DHX38: variants seen among roughly 807,000 people sequenced by gnomAD.
DHX38 encodes DEAH-box helicase 38.
In DHX38, 100 loss-of-function variants were observed where a neutral mutation model predicts 153.1. That is an observed-to-expected ratio of 0.65 (90% CI 0.56 to 0.77). The LOEUF (loss-of-function observed/expected upper bound fraction) is 0.77, where lower values mean the gene tolerates loss of function less well. Among genes scored for constraint, DHX38 ranks in the 30% least tolerant of loss-of-function variants. DHX38 has a pLI of 0.00. For missense variants in DHX38, 1,440 were observed against 1,654.0 expected, an observed-to-expected ratio of 0.87 and a Z score of 2.24; for synonymous variants, 650 against 631.7, an observed-to-expected ratio of 1.03 and a Z score of -0.43.
At chr16:72,101,398 G>A (rs2042098490) in intron 10 of DHX38, 102 bp from the exon 11 acceptor site, 1 of 1,284,680 alleles carries the variant, frequency 7.8e-7, no homozygotes, top group Non-Finnish European at 1.1e-6. Context: ...CTCTGGGGGA[G>A]TTTACCACCT....
chr16:72,103,877 A>T, intron 13 of DHX38, 69 bp from the exon 14 acceptor site: 47 of 1,601,184 alleles, frequency 2.9e-5, no homozygotes, highest in Non-Finnish European at 3.7e-5. Context: ...TAAGACTCGG[A>T]CCCCAGTACG....
At chr16:72,101,645 T>C in intron 11 of DHX38, 33 bp downstream of exon 11, 1 of 1,537,574 alleles carries the variant, frequency 6.5e-7, no homozygotes, top group Admixed American at 2.0e-5. Flanking sequence ...ACATCAGCCT[T>C]GCTCCAAAGA....
rs757037648 is a variant in DHX38, at chr16:72,102,949, T to A, written c.1500-125T>A. 10 of 1,350,594 alleles carry A rather than the reference T, an allele frequency of 7.4e-6. No individual in the cohort carries two copies. The East Asian group carries it at 2.3e-4, about 31-fold the overall frequency. 83.7% of individuals were successfully genotyped at this position (1,350,594 alleles called of 1,614,324 possible). ...TGAGAACCATCTCAGATTCCCTGGC[T>A]GCTTTGGTGTCTCAGACTCTTGCCG... On this transcript the variant is annotated intron_variant, in intron 11 of 26. Coordinates refer to ENST00000268482, the MANE Select transcript of DHX38 (RefSeq NM_014003.4).
At chr16:72,102,437 C>T (rs533712356) in intron 11 of DHX38, among the ~76,000 whole-genome samples, 2 of 151,936 alleles carry the variant, frequency 1.3e-5, no homozygotes, top group Admixed American at 1.3e-4. Context: ...GTGTGGAGCA[C>T]TGAACTGGTG....
At chr16:72,105,465 C>A in intron 17 of DHX38, 52 bp from the exon 18 acceptor site, 1 of 1,608,128 alleles carries the variant, frequency 6.2e-7, no homozygotes, top group Non-Finnish European at 8.5e-7. Flanking sequence ...CCTCGCGGAG[C>A]CTTTCCTGTC....
chr16:72,095,515 A>G (rs774579002), intron 1 of DHX38, among the ~76,000 whole-genome samples: 8 of 152,212 alleles, frequency 5.3e-5, no homozygotes, highest in Admixed American at 2.0e-4. Flanking sequence ...CCAACAGTAT[A>G]TAGGAGGATA....
Position 72,098,938 on chromosome 16 carries a change from G to A in DHX38, c.776G>A (p.Gly259Asp), listed in dbSNP as rs1281150003. Residue 259 changes from glycine (G) to aspartate (D), a missense_variant, in exon 6 of 27, where the codon GGC becomes GAC. Physicochemically the swap from Gly to Asp is moderately conservative, Grantham distance 94 (BLOSUM62 -1). Coordinates refer to ENST00000268482, the MANE Select transcript of DHX38 (RefSeq NM_014003.4). ...STRDRDRSVRGKYSDDTPLPT... is the reference protein window; with the variant it reads ...STRDRDRSVRDKYSDDTPLPT... The stretch of plus-strand genomic sequence containing the variant: ...GCTGCTGTTCCCAGGTCTGTGAGGG[G>A]CAAGTACTCGGATGACACGCCTCTG... The A allele has an allele frequency of 6.2e-7, 1 of 1,614,198 alleles. No homozygotes were observed. The highest frequency in any genetic ancestry group is 1.1e-5 in the South Asian group (1 of 91,076).
chr16:72,098,478 G>A (rs1326030540), intron 4 of DHX38, among the ~76,000 whole-genome samples, 167 bp from the exon 5 acceptor site: 1 of 152,182 alleles, frequency 6.6e-6, no homozygotes. Flanking sequence ...ATTAAAAATT[G>A]AGATATCTTT....
At chr16:72,099,588 C>T (rs2042070571) in intron 7 of DHX38, 144 bp from the exon 8 acceptor site, 2 of 1,109,392 alleles carry the variant, frequency 1.8e-6, no homozygotes, top group Non-Finnish European at 2.6e-6. Context: ...CATGTGTCTG[C>T]AGGGAGGCCT....
At chr16:72,099,167 C>G in intron 6 of DHX38, 37 bp from the exon 7 acceptor site, 1 of 1,598,454 alleles carries the variant, frequency 6.3e-7, no homozygotes, top group Non-Finnish European at 8.5e-7. Flanking sequence ...GGGGACAGGC[C>G]AGGGCATGGA....
Position 72,104,953 on chromosome 16 carries a change from C to A in DHX38, c.2152-74C>A. ...CTCCATTCCAGAGCAGTGCCTGGGC[C>A]ACTGGGCTCCCAGGAGATGCCCGGC... On this transcript the variant is annotated intron_variant, in intron 15 of 26. Transcript: ENST00000268482. The surrounding 1 kb of genome is among the most constrained non-coding windows in gnomAD (Gnocchi z 4.5). The A allele has an allele frequency of 7.0e-7, 1 of 1,423,646 alleles. No homozygotes were observed. The highest frequency in any genetic ancestry group is 9.6e-7 in the Non-Finnish European group (1 of 1,036,978). The allele number at this position is 1,423,646 out of a possible 1,614,324, so 88.2% of individuals were successfully genotyped here. A position where few individuals can be genotyped will look rare whatever the true frequency, so the allele number is the denominator to read the frequency against.
At chr16:72,105,006 G>A (rs964840913) in intron 15 of DHX38, 21 bp from the exon 16 acceptor site, 51 of 1,611,170 alleles carry the variant, frequency 3.2e-5, no homozygotes, top group Non-Finnish European at 3.7e-5. Context: ...CCCTCTGACT[G>A]TGTCCCCACT....
chr16:72,095,448 T>A (rs1047241718), intron 1 of DHX38, among the ~76,000 whole-genome samples: 2 of 152,186 alleles, frequency 1.3e-5, no homozygotes, highest in African/African-American at 4.8e-5. Context: ...TGTGCTGCTG[T>A]ACCTGTTGTT....
At chr16:72,101,043 T>G in intron 9 of DHX38, 43 bp from the exon 10 acceptor site, 1 of 1,588,672 alleles carries the variant, frequency 6.3e-7, no homozygotes, top group Non-Finnish European at 8.6e-7. Flanking sequence ...ATGGCCTTCT[T>G]GCTGATTTTA....
Position 72,104,781 on chromosome 16 carries a change from CG to C in DHX38, c.2151+159del, listed in dbSNP as rs1205150830. ...TGGGGCAGCCTGCAGCTCTGGGACT[CG>C]GGGACAAAGGACTCTGCTCTGGGTG... On this transcript the variant is annotated intron_variant, in intron 15 of 26. Transcript: ENST00000268482. This position sits in a 1 kb window ranked among gnomAD's most constrained non-coding sequence, Gnocchi z 4.5. Among the ~76,000 whole-genome samples the C allele has an allele frequency of 6.6e-6, 1 of 152,118 alleles. No individual in the cohort carries two copies. The highest frequency in any genetic ancestry group is 1.5e-5 in the Non-Finnish European group (1 of 68,026).
In DHX38 at chr16:72,102,968, C is replaced by T. The variant is rs1416977999; in HGVS notation, c.1500-106C>T. On this transcript the variant is annotated intron_variant, in intron 11 of 26. Coordinates refer to ENST00000268482, the MANE Select transcript of DHX38 (RefSeq NM_014003.4). ...CCTGGCTGCTTTGGTGTCTCAGACT[C>T]TTGCCGAAGTCCTCATTCCTGAGCG... 3.3e-6 allele frequency: 5 copies of T among 1,496,518 alleles called. No individual in the cohort carries two copies. In the East Asian group the frequency reaches 1.1e-4, roughly 34 times the overall value. The allele number at this position is 1,496,518 out of a possible 1,614,324, so 92.7% of individuals were successfully genotyped here. A position where few individuals can be genotyped will look rare whatever the true frequency, so the allele number is the denominator to read the frequency against.
Position 72,104,987 on chromosome 16 carries a change from C to G in DHX38, c.2152-40C>G, listed in dbSNP as rs1037980815. ...CCCAGGAGATGCCCGGCCTGCGCTT[C>G]TAGTACCTCCCTCTGACTGTGTCCC... On this transcript the variant is annotated intron_variant, in intron 15 of 26. Transcript: ENST00000268482. The surrounding 1 kb of genome is among the most constrained non-coding windows in gnomAD (Gnocchi z 4.5). 1 of 1,598,310 alleles carries G rather than the reference C, an allele frequency of 6.3e-7. No homozygotes were observed. The highest frequency in any genetic ancestry group is 8.6e-7 in the Non-Finnish European group (1 of 1,169,136).
At position 72,112,743 on chromosome 16, in the gene DHX38, T is replaced by C. The variant is rs373424434; in HGVS notation, c.*246T>C. The stretch of plus-strand genomic sequence containing the variant: ...GAGGTGCTGCCGGGGCAGCGGGAGG[T>C]GGCTGGACCCATCGCATCTAAAACT... On this transcript the variant is annotated 3_prime_UTR_variant, in exon 27 of 27. Coordinates refer to ENST00000268482, the MANE Select transcript of DHX38 (RefSeq NM_014003.4). 4.3e-6 allele frequency: 3 copies of C among 703,202 alleles called. No individual in the cohort carries two copies. In the African/African-American group the frequency reaches 5.3e-5, roughly 12 times the overall value. 43.6% of individuals were successfully genotyped at this position (703,202 alleles called of 1,614,324 possible). A position where few individuals can be genotyped will look rare whatever the true frequency, so the allele number is the denominator to read the frequency against.
chr16:72,098,670 C>G lies in DHX38; in HGVS notation c.642C>G (p.Thr214=). The G allele has an allele frequency of 1.2e-6, 2 of 1,614,164 alleles. No homozygotes were observed. Among genetic ancestry groups the G allele is most frequent in the Non-Finnish European group, 8.5e-7 (1 of 1,180,018 alleles). ...PKDAATPSRS[T]WEEEDSGYGS... ...ATGCAGCCACCCCTTCAAGGTCTACCTGGGAGGAAGAGGACAGTGGCTATG... is the reference window on the plus strand; with the variant it reads ...ATGCAGCCACCCCTTCAAGGTCTACGTGGGAGGAAGAGGACAGTGGCTATG... Residue 214 remains threonine (T), a synonymous_variant, in exon 5 of 27, where the codon ACC becomes ACG. Transcript: ENST00000268482.
Sources: gnomAD v4.1 joint callset for allele counts (sites outside exome capture counted in the v4.1 genomes callset) on GRCh38, gnomAD v4.1.1 for gene constraint, Gnocchi (gnomAD v3.1) non-coding constraint, MANE v1.5 for transcripts, NCBI Gene and HGNC (gene_info 2026-07-23, HGNC 2026-07-21) for gene names.